EPG5: variants seen among roughly 807,000 people sequenced by gnomAD.
EPG5 encodes the protein ectopic P-granules 5 autophagy tethering factor.
Under a neutral mutation model 302.7 loss-of-function variants are expected in EPG5, and 159 were observed. That is an observed-to-expected ratio of 0.53 (90% confidence interval 0.46 to 0.60). The LOEUF (loss-of-function observed/expected upper bound fraction) is 0.60. Ranked by LOEUF, EPG5 falls within the 20% of genes least tolerant of loss-of-function variation. The pLI is 0.00. For synonymous variants in EPG5, 1,158 were observed against 1,136.8 expected (o/e 1.02, Z -0.37); for missense variants, 2,896 against 3,092.4 (o/e 0.94, Z 1.51).
chr18:45,826,845 G>A, the EPG5 span, among the ~76,000 whole-genome samples: 1 of 152,178 alleles, frequency 6.6e-6, no homozygotes, highest in Non-Finnish European at 1.5e-5. Context: ...CTGCACAGCT[G>A]TCACCACATG....
At chr18:45,911,997 T>C (rs573114258) in intron 22 of EPG5, among the ~76,000 whole-genome samples, 1 of 152,296 alleles carries the variant, frequency 6.6e-6, no homozygotes, top group East Asian at 1.9e-4. Flanking sequence ...TTTAAGGCAG[T>C]TGCTCTCCCT....
chr18:45,942,631 T>G (rs768794834), intron 9 of EPG5, among the ~76,000 whole-genome samples: 79 of 152,166 alleles, frequency 5.2e-4, no homozygotes, highest in Non-Finnish European at 5.6e-4. Flanking sequence ...AATAAATGAA[T>G]TAAAAGTAAT....
intron 35 of EPG5, among the ~76,000 whole-genome samples, chr18:45,872,666 C>T (rs1192079349): frequency 2.0e-5 from 3 of 151,842 alleles, no homozygotes; most frequent in Admixed American, 6.6e-5. Flanking sequence ...ATCGCACCAC[C>T]GCACTCCAAC....
chr18:45,927,592 A>G (rs4361021), intron 13 of EPG5, among the ~76,000 whole-genome samples: 1,586 of 79,998 alleles, frequency 0.02, 33 homozygotes, highest in African/African-American at 0.1. Context: ...ACAAAAAGTT[A>G]TACACACACA....
chr18:45,948,229 G>C (rs1305080595), intron 6 of EPG5, among the ~76,000 whole-genome samples: 8 of 152,138 alleles, frequency 5.3e-5, no homozygotes, highest in African/African-American at 1.2e-4. Flanking sequence ...CTTCTTCCAA[G>C]AAACAGATCA....
intron 10 of EPG5, among the ~76,000 whole-genome samples, chr18:45,937,353 CAT>C (rs1257951704): frequency 1.3e-5 from 2 of 149,216 alleles, no homozygotes; most frequent in Non-Finnish European, 3.0e-5. Context: ...TAGATATACA[CAT>C]ATATATACAC....
At chr18:45,912,572 ATT>A in intron 21 of EPG5, 116 bp from the exon 22 acceptor site, 1 of 1,085,386 alleles carries the variant, frequency 9.2e-7, no homozygotes, top group Non-Finnish European at 1.3e-6. Flanking sequence ...TCAATAATAT[ATT>A]TTTTAAAAGT....
intron 29 of EPG5, among the ~76,000 whole-genome samples, chr18:45,885,344 AG>A (rs1030986976): frequency 2.0e-5 from 3 of 152,094 alleles, no homozygotes; most frequent in Admixed American, 6.6e-5. Flanking sequence ...GTCTCAATAA[AG>A]AAAAAAAAAA....
intron 1 of EPG5, among the ~76,000 whole-genome samples, chr18:45,956,534 G>A (rs2051036802): frequency 1.3e-5 from 2 of 151,514 alleles, no homozygotes; most frequent in Non-Finnish European, 2.9e-5. Flanking sequence ...TCGGCTCACT[G>A]CAACCTCCGC....
chr18:45,917,185 C>A (rs1489245734), intron 17 of EPG5, among the ~76,000 whole-genome samples: 1 of 152,158 alleles, frequency 6.6e-6, no homozygotes, highest in Non-Finnish European at 1.5e-5. Context: ...GGTGAGGCCT[C>A]ACCTCCCCTT....
chr18:45,904,192 T>A, intron 24 of EPG5, 75 bp from the exon 25 acceptor site: 1 of 1,514,484 alleles, frequency 6.6e-7, no homozygotes, highest in Non-Finnish European at 8.9e-7. Context: ...TATTTAACTA[T>A]AAAGTGAACC....
chr18:45,917,682 T>C lies in EPG5; in HGVS notation c.3236A>G (p.Glu1079Gly). ...GCCATAGATGGAACACACTTACTGC[T>C]CATTCTTCAGAAGGTAATACTGGCA... ...YPCQYYLLKNEQFLSHLLLFL... is the reference protein window; with the variant it reads ...YPCQYYLLKNGQFLSHLLLFL... Residue 1079 changes from glutamate to glycine, a missense_variant, in exon 17 of 44, where the codon GAG becomes GGG. Glu to Gly is a moderately conservative substitution (Grantham distance 98). Coordinates refer to ENST00000282041, the MANE Select transcript of EPG5 (RefSeq NM_020964.3). The C allele has an allele frequency of 6.2e-7, 1 of 1,614,084 alleles. No homozygotes were observed. Among genetic ancestry groups the C allele is most frequent in the Non-Finnish European group, 8.5e-7 (1 of 1,179,968 alleles).
chr18:45,913,867 C>T (rs778908740), intron 20 of EPG5, 39 bp from the exon 21 acceptor site: 4 of 1,604,182 alleles, frequency 2.5e-6, no homozygotes, highest in Middle Eastern at 1.7e-4. Context: ...GAAGGAGGAG[C>T]TCGCCCCACT....
rs1312949528 is a variant in EPG5 at position 45,851,384 on chromosome 18, G to A, written c.*1083C>T. On this transcript the variant is annotated 3_prime_UTR_variant, in exon 44 of 44. Coordinates refer to ENST00000282041, the MANE Select transcript of EPG5 (RefSeq NM_020964.3). Reference sequence around the variant, plus strand: ...CAAGGCAAAGTTACACACAGGCTTTGGTAATGAATGAACTGTCAACAACAG... The same window carrying A: ...CAAGGCAAAGTTACACACAGGCTTTAGTAATGAATGAACTGTCAACAACAG... 1 of 152,100 alleles carries A rather than the reference G, an allele frequency of 6.6e-6. No individual in the cohort carries two copies. The highest frequency in any genetic ancestry group is 2.4e-5 in the African/African-American group (1 of 41,424). 9.4% of individuals were successfully genotyped at this position (152,100 alleles called of 1,614,324 possible).
Position 45,943,205 on chromosome 18 carries a change from T to G in EPG5, c.1899A>C (p.Arg633Ser). The change falls in exon 9 of 44, where the codon AGA becomes AGC. Residue 633 changes from arginine to serine, a missense_variant. This residue lies in a region of EPG5 where 1,390 missense variants were observed against 1,430.0 expected (regional missense o/e 0.97). Coordinates refer to ENST00000282041, the MANE Select transcript of EPG5 (RefSeq NM_020964.3). ...GCTTCACAAACTGCCTATAGCGTGC[T>G]CTATTAAAGGTTTCTAACCCCACAG... is the stretch of plus-strand genomic sequence containing the variant. Reference protein sequence around the residue: ...LLAVGLETFNRARYRQFVKRI... With the variant: ...LLAVGLETFNSARYRQFVKRI... 1.2e-6 allele frequency: 2 copies of G among 1,614,160 alleles called. No individual in the cohort carries two copies. The highest frequency in any genetic ancestry group is 1.7e-6 in the Non-Finnish European group (2 of 1,180,018).
At chr18:45,872,512 T>G (rs371018768) in intron 35 of EPG5, among the ~76,000 whole-genome samples, 6 of 152,336 alleles carry the variant, frequency 3.9e-5, no homozygotes, top group African/African-American at 1.2e-4. Context: ...GAGACTAACC[T>G]GGCCAACATG....
chr18:45,832,762 C>T, the EPG5 span, among the ~76,000 whole-genome samples: 1 of 152,162 alleles, frequency 6.6e-6, no homozygotes, highest in Non-Finnish European at 1.5e-5. Flanking sequence ...CAGGCATAAG[C>T]TGCCAGAGGG....
intron 26 of EPG5, among the ~76,000 whole-genome samples, chr18:45,900,085 G>C (rs566478532): frequency 3.9e-5 from 6 of 152,088 alleles, no homozygotes; most frequent in African/African-American, 7.2e-5. Flanking sequence ...ACCAAAAACA[G>C]ACAAGGAAAA....
intron 2 of EPG5, chr18:45,953,307 T>C (rs2143761866): frequency 1.0e-6 from 1 of 985,284 alleles, no homozygotes; most frequent in Middle Eastern, 5.2e-4. Context: ...CTTCAAGGTA[T>C]CTCAAAACAT....
Sources: gnomAD v4.1 joint callset for allele counts (sites outside exome capture counted in the v4.1 genomes callset) on GRCh38, gnomAD v4.1.1 for gene constraint, gnomAD v4.1.1 regional missense constraint, MANE v1.5 for transcripts, NCBI Gene and HGNC (gene_info 2026-07-23, HGNC 2026-07-21) for gene names.